Variants in KCNH8 observed in about 807,000 individuals in gnomAD.
KCNH8 encodes voltage-gated delayed rectifier potassium channel KCNH8.
A neutral mutation model predicts 103.6 loss-of-function variants in KCNH8; 70 were observed. That is an observed-to-expected ratio of 0.68 (90% confidence interval 0.56 to 0.82). KCNH8 has a LOEUF of 0.82. Among genes scored for constraint, KCNH8 ranks in the 40% least tolerant of loss-of-function variants. KCNH8 has a pLI of 0.00. For synonymous variants in KCNH8, 498 were observed against 489.4 expected, an observed-to-expected ratio of 1.02 and a Z score of -0.23; for missense variants, 1,217 against 1,329.9, an observed-to-expected ratio of 0.92 and a Z score of 1.32.
At chr3:19,269,876 CTTTA>C (rs2064563794) in intron 2 of KCNH8, among the ~76,000 whole-genome samples, 1 of 152,108 alleles carries the variant, frequency 6.6e-6, no homozygotes, top group African/African-American at 2.4e-5. Context: ...AATGTCTAGC[CTTTA>C]TTTAGGAAAA....
At chr3:19,317,595 ATAAAT>A (rs971072153) in intron 3 of KCNH8, among the ~76,000 whole-genome samples, 7 of 151,952 alleles carry the variant, frequency 4.6e-5, no homozygotes, top group Non-Finnish European at 7.4e-5. Flanking sequence ...ATAGAGAAAA[ATAAAT>A]TAAATATGAT....
At chr3:19,342,539 G>C in intron 3 of KCNH8, 48 bp from the exon 4 acceptor site, 2 of 1,567,966 alleles carry the variant, frequency 1.3e-6, no homozygotes, top group Non-Finnish European at 1.7e-6. Context: ...CATTCTTGAG[G>C]TGAAATGATG....
At chr3:19,497,433 G>A (rs1308853252) in intron 11 of KCNH8, among the ~76,000 whole-genome samples, 1 of 151,976 alleles carries the variant, frequency 6.6e-6, no homozygotes, top group Non-Finnish European at 1.5e-5. Context: ...CAAAGATTCT[G>A]GTATGTTGTG....
chr3:19,450,878 G>A, intron 9 of KCNH8: 1 of 396,062 alleles, frequency 2.5e-6, no homozygotes. Context: ...GACTCTCTGT[G>A]AGAAGGAAGT....
chr3:19,268,383 C>G (rs774879101), intron 2 of KCNH8, among the ~76,000 whole-genome samples: 1 of 151,936 alleles, frequency 6.6e-6, no homozygotes, highest in Non-Finnish European at 1.5e-5. Flanking sequence ...CAAAGAGAGC[C>G]ACGTATGCAA....
At position 19,390,593 on chromosome 3, in the gene KCNH8, C is replaced by T. The variant is rs372237676; in HGVS notation, c.924C>T (p.Ile308=). 4.0e-5 allele frequency: 64 copies of T among 1,613,260 alleles called. No homozygotes were observed. Among genetic ancestry groups the T allele is most frequent in the African/African-American group, 3.6e-4 (27 of 74,842 alleles). ...YVTTWFIIDL[I]AALPFDLLYA... ...CAACCTGGTTCATCATTGATTTAAT[C>T]GCTGCCCTGCCTTTTGATCTTCTGT... The change falls in exon 6 of 16, where the codon ATC becomes ATT. Residue 308 remains isoleucine (I), a synonymous_variant. Coordinates refer to ENST00000328405, the MANE Select transcript of KCNH8 (RefSeq NM_144633.3).
At chr3:19,354,317 A>G (rs1248862258) in intron 5 of KCNH8, among the ~76,000 whole-genome samples, 1 of 152,208 alleles carries the variant, frequency 6.6e-6, no homozygotes, top group African/African-American at 2.4e-5. Flanking sequence ...AAGGTAATTT[A>G]TAGACTCAAT....
At chr3:19,445,889 C>T (rs887195442) in intron 8 of KCNH8, among the ~76,000 whole-genome samples, 1 of 151,816 alleles carries the variant, frequency 6.6e-6, no homozygotes. Flanking sequence ...AAGAGCTGTG[C>T]TAGATGCAGG....
At chr3:19,381,136 T>C (rs2066282771) in intron 5 of KCNH8, among the ~76,000 whole-genome samples, 1 of 152,224 alleles carries the variant, frequency 6.6e-6, no homozygotes, top group African/African-American at 2.4e-5. Context: ...AAAAATAGTT[T>C]GTGAACACTT....
intron 1 of KCNH8, among the ~76,000 whole-genome samples, chr3:19,199,971 C>G (rs2063640394): frequency 6.6e-6 from 1 of 151,940 alleles, no homozygotes; most frequent in Non-Finnish European, 1.5e-5. Context: ...GCTATAAATT[C>G]CTATGTGACG....
At chr3:19,268,637 A>T (rs1308475488) in intron 2 of KCNH8, among the ~76,000 whole-genome samples, 1 of 152,164 alleles carries the variant, frequency 6.6e-6, no homozygotes, top group Non-Finnish European at 1.5e-5. Context: ...AGTAATCCAC[A>T]TAAGAGATGA....
intron 5 of KCNH8, among the ~76,000 whole-genome samples, chr3:19,350,694 A>G (rs967297385): frequency 1.3e-5 from 2 of 152,270 alleles, no homozygotes; most frequent in East Asian, 3.9e-4. Context: ...ACTAACAAAC[A>G]GAAAGGACAT....
intron 15 of KCNH8, among the ~76,000 whole-genome samples, chr3:19,532,941 A>C: frequency 6.6e-6 from 1 of 152,112 alleles, no homozygotes; most frequent in African/African-American, 2.4e-5. Context: ...TTCATGGCTC[A>C]CGCCTGAAAT....
chr3:19,291,122 A>G (rs1321396930), intron 3 of KCNH8, among the ~76,000 whole-genome samples: 5 of 150,380 alleles, frequency 3.3e-5, no homozygotes, highest in Non-Finnish European at 7.4e-5. Flanking sequence ...CGTCTATTTG[A>G]TTCTTCTCTC....
chr3:19,368,368 G>A (rs578075144), intron 5 of KCNH8, among the ~76,000 whole-genome samples: 1 of 152,042 alleles, frequency 6.6e-6, no homozygotes, highest in Non-Finnish European at 1.5e-5. Context: ...TGAAATTGAT[G>A]TAGGGCTGGT....
chr3:19,285,457 T>A (rs2125277174), intron 3 of KCNH8, among the ~76,000 whole-genome samples: 1 of 152,260 alleles, frequency 6.6e-6, no homozygotes, highest in East Asian at 1.9e-4. Context: ...GTTATAGGTT[T>A]ATAAGAGATA....
At chr3:19,239,681 T>C (rs138589371) in intron 1 of KCNH8, among the ~76,000 whole-genome samples, 1,752 of 138,474 alleles carry the variant, frequency 0.013, 24 homozygotes, top group African/African-American at 0.037. Context: ...TATCTATCTA[T>C]CTACCTACCT....
rs2064306404 is a variant in KCNH8 at position 19,253,599 on chromosome 3, T to C, written c.77-55T>C. The C allele has an allele frequency of 4.6e-6, 6 of 1,306,182 alleles. No homozygotes were observed. The South Asian group carries it at 5.9e-5, about 13-fold the overall frequency. The allele number at this position is 1,306,182 out of a possible 1,614,324, so 80.9% of individuals were successfully genotyped here. On this transcript the variant is annotated intron_variant, in intron 1 of 15. Transcript: ENST00000328405. ...GCTGATAATTTATACAGGAATTGTG[T>C]ATAAATTCTCACACTTATCTAGTTG... is the stretch of plus-strand genomic sequence containing the variant.
At chr3:19,527,163 C>T (rs1000713025) in intron 15 of KCNH8, among the ~76,000 whole-genome samples, 3 of 151,998 alleles carry the variant, frequency 2.0e-5, no homozygotes, top group African/African-American at 7.2e-5. Flanking sequence ...TCAATTATTG[C>T]TGTTTCTACT....
Sources: gnomAD v4.1 joint callset for allele counts (sites outside exome capture counted in the v4.1 genomes callset) on GRCh38, gnomAD v4.1.1 for gene constraint, MANE v1.5 for transcripts, NCBI Gene and HGNC (gene_info 2026-07-23, HGNC 2026-07-21) for gene names.